The following SLCO2B1 variants were observed in gnomAD, a reference collection of about 807,000 sequenced individuals.
The protein encoded by SLCO2B1 is OATP-RP2.
In SLCO2B1, 41 loss-of-function variants were observed where a neutral mutation model predicts 67.3. The ratio of observed to expected loss-of-function variants is 0.61; its 90% CI spans 0.47 to 0.79. The LOEUF (loss-of-function observed/expected upper bound fraction) is 0.79, where lower values mean the gene tolerates loss of function less well. Ranked by LOEUF, SLCO2B1 falls within the 30% of genes least tolerant of loss-of-function variation. The probability of loss-of-function intolerance (pLI) is 0.00; values close to 1 mark genes in which losing one functional copy is unlikely to be tolerated. For missense variants in SLCO2B1, 837 were observed against 920.1 expected, an observed-to-expected ratio of 0.91 and a Z score of 1.17; for synonymous variants, 379 against 381.4, an observed-to-expected ratio of 0.99 and a Z score of 0.07.
chr11:75,155,939 C>T (rs1473130548), intron 1 of SLCO2B1, among the ~76,000 whole-genome samples: 1 of 152,140 alleles, frequency 6.6e-6, no homozygotes, highest in African/African-American at 2.4e-5. Context: ...TGGGATGGGA[C>T]TGGCTTCCAC....
At chr11:75,202,616 G>A (rs1369963791) in intron 11 of SLCO2B1, 1 of 449,286 alleles carries the variant, frequency 2.2e-6, no homozygotes, top group African/African-American at 1.9e-5. Context: ...GATGGGACCA[G>A]TGGGTGGAGG....
intron 7 of SLCO2B1, among the ~76,000 whole-genome samples, chr11:75,185,023 G>T (rs539062700): frequency 6.6e-6 from 1 of 152,082 alleles, no homozygotes; most frequent in Non-Finnish European, 1.5e-5. Context: ...AATGAAAGAA[G>T]AAAGAAGAAA....
rs1565547898 is a variant in SLCO2B1 at position 75,193,306 on chromosome 11, G to C, written c.1164G>C (p.Ala388=). Residue 388 remains alanine (A), a synonymous_variant, in exon 9 of 14, where the codon GCG becomes GCC. Transcript: ENST00000289575. This position sits in a 1 kb window ranked among gnomAD's most constrained non-coding sequence, Gnocchi z 4.2. The stretch of plus-strand genomic sequence containing the variant: ...AGGTATGCTTGTCATCCATGGCTGC[G>C]GGCATGGCCACCTTCCTGCCCAAGT... ...LSQVCLSSMA[A]GMATFLPKFL... is the part of the protein sequence containing the mutation. 1 of 1,613,984 alleles carries C rather than the reference G, an allele frequency of 6.2e-7. No individual in the cohort carries two copies. Among genetic ancestry groups the C allele is most frequent in the Non-Finnish European group, 8.5e-7 (1 of 1,180,004 alleles).
Position 75,201,737 on chromosome 11 carries a change from G to A in SLCO2B1, c.1764-1164G>A, listed in dbSNP as rs552365274. ...AGGATACAGATGAAGTGATGCATACGGTGAGGTATGGGGGAGGAGCTTTCA... is the reference window on the plus strand; with the variant it reads ...AGGATACAGATGAAGTGATGCATACAGTGAGGTATGGGGGAGGAGCTTTCA... On this transcript the variant is annotated intron_variant, in intron 11 of 13. Transcript: ENST00000289575. 12 of 152,300 alleles carry A rather than the reference G, an allele frequency of 7.9e-5. 1 individual carries two copies. The highest frequency in any genetic ancestry group is 6.5e-4 in the Admixed American group (10 of 15,306). 9.4% of individuals were successfully genotyped at this position (152,300 alleles called of 1,614,324 possible).
At chr11:75,154,448 C>T (rs1015169812) in intron 1 of SLCO2B1, among the ~76,000 whole-genome samples, 2 of 151,978 alleles carry the variant, frequency 1.3e-5, no homozygotes, top group Non-Finnish European at 2.9e-5. Flanking sequence ...TGCAGTGAGC[C>T]GAGATTGCAC....
chr11:75,200,555 G>T (rs1012984047), intron 11 of SLCO2B1, 168 bp downstream of exon 11: 6 of 569,002 alleles, frequency 1.1e-5, no homozygotes, highest in Non-Finnish European at 1.7e-5. Context: ...CTGAGGCAAG[G>T]TTTTCTCCCC....
At chr11:75,163,841 C>A (rs1949853550) in intron 2 of SLCO2B1, 122 bp from the exon 3 acceptor site, 2 of 1,173,478 alleles carry the variant, frequency 1.7e-6, no homozygotes, top group African/African-American at 1.5e-5. Flanking sequence ...CTCTCCCGCC[C>A]TCTGTCTCTT....
chr11:75,203,497 G>T, intron 13 of SLCO2B1, 70 bp downstream of exon 13: 1 of 1,588,680 alleles, frequency 6.3e-7, no homozygotes, highest in Non-Finnish European at 8.6e-7. Flanking sequence ...CAGGATACCA[G>T]CAGGGAGGGG....
At chr11:75,177,727 A>G (rs184559114) in intron 7 of SLCO2B1, among the ~76,000 whole-genome samples, 3 of 152,318 alleles carry the variant, frequency 2.0e-5, no homozygotes. Flanking sequence ...TCATGGGATG[A>G]GCCAGAGGTT....
chr11:75,188,114 C>CT (rs1251214734), intron 7 of SLCO2B1, 22 bp from the exon 8 acceptor site: 1 of 1,584,060 alleles, frequency 6.3e-7, no homozygotes, highest in African/African-American at 1.3e-5. Flanking sequence ...GCGGACTGTC[C>CT]TTGGTTTTGT....
In SLCO2B1 at chr11:75,200,264, C is replaced by A. The variant is rs138773402; in HGVS notation, c.1640C>A (p.Pro547His). The change falls in exon 11 of 14, where the codon CCC becomes CAC. Residue 547 changes from proline to histidine, a missense_variant. By Grantham distance (77) the Pro-to-His change is moderately conservative. Transcript: ENST00000289575. ...TNCSCVVEGN[P>H]VLAGSCDSTC... ...TGCAGCTGCGTGGTGGAGGGCAACC[C>A]CGTGCTGGCAGGATCCTGCGACTCA... is the stretch of plus-strand genomic sequence containing the variant. 26 of 1,613,752 alleles carry A rather than the reference C, an allele frequency of 1.6e-5. No homozygotes were observed. Among genetic ancestry groups the A allele is most frequent in the African/African-American group, 4.0e-5 (3 of 74,934 alleles).
intron 1 of SLCO2B1, among the ~76,000 whole-genome samples, chr11:75,161,654 C>G (rs757171866): frequency 1.3e-5 from 2 of 152,102 alleles, no homozygotes; most frequent in Non-Finnish European, 2.9e-5. Context: ...AAACTCCTGC[C>G]GGTGGTGAGA....
At chr11:75,192,243 T>C (rs1346524916) in intron 8 of SLCO2B1, among the ~76,000 whole-genome samples, 1 of 152,228 alleles carries the variant, frequency 6.6e-6, no homozygotes, top group Non-Finnish European at 1.5e-5. Flanking sequence ...TTAGTCCATA[T>C]ATCCATTCAT....
chr11:75,175,364 T>C (rs1053977886), intron 7 of SLCO2B1, among the ~76,000 whole-genome samples: 4 of 151,910 alleles, frequency 2.6e-5, no homozygotes, highest in Admixed American at 6.6e-5. Context: ...TGAGGCTGAA[T>C]TGGCTGCCAG....
At chr11:75,188,057 C>A in intron 7 of SLCO2B1, 79 bp from the exon 8 acceptor site, 1 of 933,066 alleles carries the variant, frequency 1.1e-6, no homozygotes. Flanking sequence ...TCCAAGACCT[C>A]TCCTCCCCAG....
chr11:75,171,561 T>C (rs185555742), intron 6 of SLCO2B1, among the ~76,000 whole-genome samples: 1 of 152,290 alleles, frequency 6.6e-6, no homozygotes, highest in East Asian at 1.9e-4. Flanking sequence ...CCCAGCTCAT[T>C]TGTATTTTTA....
Position 75,160,830 on chromosome 11 carries a change from T to C in SLCO2B1, c.17-1825T>C, listed in dbSNP as rs535210378. ...AAATGGCAGTAGGCACATGAAAAGA[T>C]GCTCAATATCATTAGTCATTAGAAA... On this transcript the variant is annotated intron_variant, in intron 1 of 13. Transcript: ENST00000289575. 1.1e-4 allele frequency among the ~76,000 whole-genome samples: 17 copies of C among 152,356 alleles called. No homozygotes were observed. The South Asian group carries it at 3.5e-3, about 32-fold the overall frequency.
In SLCO2B1 at chr11:75,167,675, G is replaced by T. The variant is rs76841044; in HGVS notation, c.449-1498G>T. Among the ~76,000 whole-genome samples the T allele has an allele frequency of 4.6e-5, 7 of 152,186 alleles. No individual in the cohort carries two copies. The East Asian group carries it at 7.8e-4, about 17-fold the overall frequency. ...AATTGTTGCATCTAACGTCTAGTAG[G>T]CCCCATGCCCAGGCACACTCACCAC... On this transcript the variant is annotated intron_variant, in intron 4 of 13. Transcript: ENST00000289575.
intron 1 of SLCO2B1, among the ~76,000 whole-genome samples, chr11:75,156,024 C>T (rs1454116810): frequency 6.6e-6 from 1 of 152,114 alleles, no homozygotes; most frequent in Admixed American, 6.5e-5. Flanking sequence ...AGGGGCTAAC[C>T]ATTGTTGAGG....
Sources: allele counts gnomAD v4.1 joint callset (sites outside exome capture counted in the v4.1 genomes callset), GRCh38; gene constraint gnomAD v4.1.1; non-coding constraint Gnocchi (gnomAD v3.1); transcripts MANE v1.5; gene names NCBI Gene and HGNC (gene_info 2026-07-23, HGNC 2026-07-21).